Variants in FNBP4 observed in about 807,000 individuals in gnomAD.
FNBP4 encodes formin binding protein 4.
FNBP4 carries 34 observed loss-of-function variants against 119.3 expected under a neutral mutation model. That is an observed-to-expected ratio of 0.28 (90% CI 0.22 to 0.38). FNBP4 has a LOEUF of 0.38. FNBP4 is among the 10% of genes least tolerant of loss of function. The probability of loss-of-function intolerance (pLI) is 1.00; values close to 1 mark genes in which losing one functional copy is unlikely to be tolerated. For missense variants in FNBP4, 1,112 were observed against 1,228.9 expected (o/e 0.90, Z 1.42); for synonymous variants, 462 against 430.6 (o/e 1.07, Z -0.90).
At position 47,731,838 on chromosome 11, in the gene FNBP4, T is replaced by C. The variant is rs969116905; in HGVS notation, c.1821-277A>G. Reference sequence around the variant, plus strand: ...AAACACTTTTCTCTTTTTTTGTGATTTGCCAATGCATAACAGGGTTTCAAG... The same window carrying C: ...AAACACTTTTCTCTTTTTTTGTGATCTGCCAATGCATAACAGGGTTTCAAG... On this transcript the variant is annotated intron_variant, in intron 11 of 16. Coordinates refer to ENST00000263773, the MANE Select transcript of FNBP4 (RefSeq NM_015308.5). The C allele has an allele frequency of 2.2e-4, 251 of 1,120,434 alleles. 1 individual carries two copies. The African/African-American group carries it at 3.9e-3, about 17-fold the overall frequency. 69.4% of individuals were successfully genotyped at this position (1,120,434 alleles called of 1,614,324 possible). A position where few individuals can be genotyped will look rare whatever the true frequency, so the allele number is the denominator to read the frequency against.
At chr11:47,739,951 T>C (rs907913758) in intron 8 of FNBP4, among the ~76,000 whole-genome samples, 2 of 100,952 alleles carry the variant, frequency 2.0e-5, no homozygotes, top group Admixed American at 1.1e-4. Flanking sequence ...GCTAGTTTTA[T>C]GTATTTTTGT....
At chr11:47,759,379 T>A (rs1187874135) in intron 2 of FNBP4, among the ~76,000 whole-genome samples, 1 of 147,514 alleles carries the variant, frequency 6.8e-6, no homozygotes, top group East Asian at 2.1e-4. Context: ...GCCTGGCTAA[T>A]TTTTTTGTAT....
At chr11:47,719,060 T>C (rs2097552566) in intron 16 of FNBP4, among the ~76,000 whole-genome samples, 2 of 152,166 alleles carry the variant, frequency 1.3e-5, no homozygotes, top group Admixed American at 1.3e-4. Context: ...CCAGCTAATT[T>C]TGTATTTTTA....
In FNBP4 at chr11:47,744,128, A is replaced by G. The variant is rs1379289810; in HGVS notation, c.1281T>C (p.Ser427=). 1 of 1,614,156 alleles carries G rather than the reference A, an allele frequency of 6.2e-7. No individual in the cohort carries two copies. The highest frequency in any genetic ancestry group is 1.7e-5 in the Admixed American group (1 of 60,000). The part of the protein sequence containing the change: ...ELRALEEGDG[S]VSGSSPRSDI... ...CAGAACGTGGACTAGACCCTGACAC[A>G]CTACCATCTCCTTCCTCCAAGGCTC... Residue 427 remains serine, a synonymous_variant, in exon 8 of 17, where the codon AGT becomes AGC. Coordinates refer to ENST00000263773, the MANE Select transcript of FNBP4 (RefSeq NM_015308.5).
In FNBP4 at chr11:47,736,684, C is replaced by G. The variant is rs1200689724; in HGVS notation, c.1513G>C (p.Val505Leu). The change falls in exon 9 of 17, where the codon GTA becomes CTA. Residue 505 changes from valine to leucine, a missense_variant. By Grantham distance (32) the Val-to-Leu change is conservative. Transcript: ENST00000263773. ...IDENSDKEME[V>L]EESPEKIKVQ... is the part of the protein sequence containing the mutation. ...TTTATTTTCTCTGGAGATTCTTCTA[C>G]TTCCATCTCTTTATCTGAATTCTCA... 1 of 1,603,796 alleles carries G rather than the reference C, an allele frequency of 6.2e-7. No homozygotes were observed. Among genetic ancestry groups the G allele is most frequent in the Non-Finnish European group, 8.5e-7 (1 of 1,171,914 alleles).
chr11:47,766,835 G>T (rs754052101), intron 1 of FNBP4, among the ~76,000 whole-genome samples: 1 of 152,134 alleles, frequency 6.6e-6, no homozygotes, highest in African/African-American at 2.4e-5. Context: ...AAACGTTCCC[G>T]GGGCAAGCCC....
In FNBP4 at chr11:47,767,333, G is replaced by A. The variant is rs1180974125; in HGVS notation, c.-45C>T. The A allele has an allele frequency of 6.3e-6, 9 of 1,430,760 alleles. No individual in the cohort carries two copies. Among genetic ancestry groups the A allele is most frequent in the Middle Eastern group, 2.4e-4 (1 of 4,220 alleles). The allele number at this position is 1,430,760 out of a possible 1,614,324, so 88.6% of individuals were successfully genotyped here. ...AGAGAGCGTCGGGCGGCCGAGAGGGGCGGGCACTGGAGGCTGGGCGCTGGG... is the reference window on the plus strand; with the variant it reads ...AGAGAGCGTCGGGCGGCCGAGAGGGACGGGCACTGGAGGCTGGGCGCTGGG... On this transcript the variant is annotated 5_prime_UTR_variant, in exon 1 of 17. Transcript: ENST00000263773.
Position 47,732,821 on chromosome 11 carries a change from A to T in FNBP4, c.1687-151T>A, listed in dbSNP as rs2097569017. The T allele has an allele frequency of 4.0e-6, 3 of 751,246 alleles. No homozygotes were observed. In the East Asian group the frequency reaches 8.1e-5, roughly 20 times the overall value. The allele number at this position is 751,246 out of a possible 1,614,324, so 46.5% of individuals were successfully genotyped here. On this transcript the variant is annotated intron_variant, in intron 10 of 16. Transcript: ENST00000263773. The surrounding 1 kb of genome is among the most constrained non-coding windows in gnomAD (Gnocchi z 4.2). ...GGAAAATAAACCCCATCTTCATCTC[A>T]TAAAATAATCTTAAGGCCGGGCATG... is the stretch of plus-strand genomic sequence containing the variant.
At chr11:47,758,107 G>A (rs1442019311) in intron 2 of FNBP4, among the ~76,000 whole-genome samples, 2 of 151,272 alleles carry the variant, frequency 1.3e-5, no homozygotes, top group Non-Finnish European at 1.5e-5. Context: ...TCTTTTTTTT[G>A]AGACAGGGTC....
Position 47,723,047 on chromosome 11 carries a change from G to A in FNBP4, c.2734C>T (p.Pro912Ser), listed in dbSNP as rs766300375. 7 of 1,585,872 alleles carry A rather than the reference G, an allele frequency of 4.4e-6. No homozygotes were observed. In the African/African-American group the frequency reaches 8.1e-5, roughly 18 times the overall value. The change falls in exon 15 of 17, where the codon CCT (proline) becomes TCT (serine). Residue 912 changes from proline (P) to serine (S), a missense_variant. By Grantham distance (74) the Pro-to-Ser change is moderately conservative. Transcript: ENST00000263773. The part of the protein sequence containing the change: ...IIEPPPPPPP[P>S]PPPPPPAPKM... The stretch of plus-strand genomic sequence containing the variant: ...GGAGCTGGTGGTGGTGGAGGAGGAG[G>A]AGGAGGAGGTGGTGGTGGTGGTTCT...
At chr11:47,739,791 T>C (rs1019066781) in intron 8 of FNBP4, among the ~76,000 whole-genome samples, 1 of 152,148 alleles carries the variant, frequency 6.6e-6, no homozygotes, top group African/African-American at 2.4e-5. Flanking sequence ...CTCCTTTTTC[T>C]TTTGAGATGG....
chr11:47,761,523 C>A (rs1048482592), intron 2 of FNBP4, among the ~76,000 whole-genome samples: 1 of 151,846 alleles, frequency 6.6e-6, no homozygotes, highest in Non-Finnish European at 1.5e-5. Context: ...ACTCAGGCGA[C>A]GGAGGTTGCA....
At chr11:47,744,237 A>G in intron 7 of FNBP4, 74 bp from the exon 8 acceptor site, 1 of 1,294,822 alleles carries the variant, frequency 7.7e-7, no homozygotes, top group Non-Finnish European at 1.1e-6. Context: ...AATAAACAAG[A>G]CTATGTTGTT....
chr11:47,749,152 T>A (rs769819967), intron 6 of FNBP4, among the ~76,000 whole-genome samples: 1 of 152,100 alleles, frequency 6.6e-6, no homozygotes, highest in Non-Finnish European at 1.5e-5. Context: ...TGCACACCTG[T>A]AGTCCCAGCT....
chr11:47,766,110 G>C (rs2097647306), intron 1 of FNBP4, among the ~76,000 whole-genome samples: 1 of 151,976 alleles, frequency 6.6e-6, no homozygotes, highest in Admixed American at 6.6e-5. Context: ...TTGAGCCCTG[G>C]AGTTCGAGAC....
At chr11:47,719,047 G>T (rs1485618533) in intron 16 of FNBP4, among the ~76,000 whole-genome samples, 2 of 151,914 alleles carry the variant, frequency 1.3e-5, no homozygotes, top group Admixed American at 6.6e-5. Context: ...TTCGCCACCA[G>T]GCCCAGCTAA....
At chr11:47,756,740 T>A (rs1181934981) in intron 2 of FNBP4, among the ~76,000 whole-genome samples, 1 of 140,446 alleles carries the variant, frequency 7.1e-6, no homozygotes, top group African/African-American at 2.6e-5. Context: ...TTCCCCACCC[T>A]GTGTCCAAAT....
At chr11:47,741,856 A>C (rs528499852) in intron 8 of FNBP4, among the ~76,000 whole-genome samples, 1 of 152,078 alleles carries the variant, frequency 6.6e-6, no homozygotes, top group Admixed American at 6.6e-5. Context: ...CAATTTATCT[A>C]TGATACCTCT....
At chr11:47,762,845 G>A (rs577775301) in intron 2 of FNBP4, among the ~76,000 whole-genome samples, 2 of 143,180 alleles carry the variant, frequency 1.4e-5, no homozygotes, top group East Asian at 2.2e-4. Flanking sequence ...AGGACACAGA[G>A]ACTGCAGTGA....
Sources: gnomAD v4.1 joint callset for allele counts (sites outside exome capture counted in the v4.1 genomes callset) on GRCh38, gnomAD v4.1.1 for gene constraint, Gnocchi (gnomAD v3.1) non-coding constraint, MANE v1.5 for transcripts, NCBI Gene and HGNC (gene_info 2026-07-23, HGNC 2026-07-21) for gene names.